Variants in NALF1 observed in about 807,000 individuals in gnomAD.
The protein encoded by NALF1 is family with sequence similarity 155 member A.
NALF1 carries 3 observed loss-of-function variants against 48.4 expected under a neutral mutation model. The ratio of observed to expected loss-of-function variants is 0.06; its 90% CI spans 0.03 to 0.16. The LOEUF is 0.16. Among genes scored for constraint, NALF1 ranks in the 10% least tolerant of loss-of-function variants. NALF1 has a pLI of 1.00. For missense variants in NALF1, 526 were observed against 571.5 expected, an observed-to-expected ratio of 0.92 and a Z score of 0.81; for synonymous variants, 262 against 245.7, an observed-to-expected ratio of 1.07 and a Z score of -0.62.
At chr13:107,776,934 T>C (rs1877750518) in intron 1 of NALF1, among the ~76,000 whole-genome samples, 1 of 151,908 alleles carries the variant, frequency 6.6e-6, no homozygotes, top group African/African-American at 2.4e-5. Flanking sequence ...GTACAAAAAA[T>C]CTAAAAACTT....
chr13:107,256,684 TG>T (rs2138849952), intron 1 of NALF1, among the ~76,000 whole-genome samples: 1 of 149,344 alleles, frequency 6.7e-6, no homozygotes, highest in African/African-American at 2.5e-5. Flanking sequence ...CAATAAAAGT[TG>T]GGACTACCCT....
intron 1 of NALF1, among the ~76,000 whole-genome samples, chr13:107,655,807 T>C (rs760450247): frequency 1.1e-4 from 16 of 151,964 alleles, no homozygotes; most frequent in Admixed American, 7.9e-4. Flanking sequence ...GTTATAAAAA[T>C]AGTCACATAT....
At chr13:107,449,481 A>G (rs1360232324) in intron 1 of NALF1, among the ~76,000 whole-genome samples, 1 of 152,238 alleles carries the variant, frequency 6.6e-6, no homozygotes, top group East Asian at 1.9e-4. Flanking sequence ...AGAGATTAAA[A>G]AGAATAAAAG....
chr13:107,444,498 TAA>T (rs146761768), intron 1 of NALF1, among the ~76,000 whole-genome samples: 4,464 of 152,228 alleles, frequency 0.029, 228 homozygotes, highest in African/African-American at 0.1. Flanking sequence ...ATTCTATAAA[TAA>T]GAGAGTTGGA....
At chr13:107,795,529 A>C (rs556769878) in intron 1 of NALF1, among the ~76,000 whole-genome samples, 91 of 152,178 alleles carry the variant, frequency 6.0e-4, no homozygotes, top group Admixed American at 1.0e-3. Context: ...CTGGAAGAAA[A>C]TCCTTTACGC....
At chr13:107,755,750 C>T (rs528252915) in intron 1 of NALF1, among the ~76,000 whole-genome samples, 5 of 152,130 alleles carry the variant, frequency 3.3e-5, no homozygotes, top group East Asian at 1.9e-4. Flanking sequence ...TACAATCTAC[C>T]GCAGACTTGG....
intron 1 of NALF1, among the ~76,000 whole-genome samples, chr13:107,253,000 AC>A (rs1486468375): frequency 6.6e-6 from 1 of 152,214 alleles, no homozygotes; most frequent in African/African-American, 2.4e-5. Flanking sequence ...CCAAAATAAC[AC>A]ATTTTCTTTT....
intron 1 of NALF1, among the ~76,000 whole-genome samples, chr13:107,254,505 C>A (rs1026892001): frequency 2.6e-5 from 4 of 152,156 alleles, no homozygotes; most frequent in African/African-American, 9.7e-5. Context: ...CCATAGTCCA[C>A]AAAGCACTCT....
intron 1 of NALF1, among the ~76,000 whole-genome samples, chr13:107,809,256 T>C (rs753740338): frequency 7.9e-5 from 12 of 152,060 alleles, no homozygotes; most frequent in Non-Finnish European, 1.5e-4. Context: ...TGTTTTTACC[T>C]AGACGTGGAC....
intron 1 of NALF1, among the ~76,000 whole-genome samples, chr13:107,697,389 T>G (rs896606227): frequency 2.6e-5 from 4 of 152,126 alleles, no homozygotes; most frequent in African/African-American, 9.7e-5. Context: ...ATTCCAAGGG[T>G]TAGAATTAGC....
intron 1 of NALF1, among the ~76,000 whole-genome samples, chr13:107,672,685 A>G (rs1881018690): frequency 1.3e-5 from 2 of 152,132 alleles, no homozygotes; most frequent in South Asian, 2.1e-4. Flanking sequence ...TCTCTTTACT[A>G]TAATCATCAC....
chr13:107,610,889 G>C (rs1327174754), intron 1 of NALF1, among the ~76,000 whole-genome samples: 1 of 152,170 alleles, frequency 6.6e-6, no homozygotes, highest in Admixed American at 6.5e-5. Flanking sequence ...GCTGACACTA[G>C]TGTTGAGAAT....
intron 1 of NALF1, among the ~76,000 whole-genome samples, chr13:107,512,527 T>C (rs1875926117): frequency 1.3e-5 from 2 of 152,072 alleles, no homozygotes; most frequent in Admixed American, 1.3e-4. Context: ...CAGGAAATAA[T>C]TCAAGGGCCA....
intron 2 of NALF1, among the ~76,000 whole-genome samples, chr13:107,190,289 C>T (rs984126312): frequency 6.6e-6 from 1 of 152,020 alleles, no homozygotes; most frequent in Admixed American, 6.6e-5. Context: ...GTACAAAGAC[C>T]ATTTCCTGCT....
intron 2 of NALF1, among the ~76,000 whole-genome samples, chr13:107,202,138 A>G (rs141292899): frequency 6.4e-4 from 97 of 152,184 alleles, no homozygotes; most frequent in African/African-American, 2.3e-3. Context: ...TTACACATTT[A>G]TTCCATCAGT....
intron 1 of NALF1, among the ~76,000 whole-genome samples, chr13:107,645,486 C>T (rs79498455): frequency 3.9e-5 from 6 of 152,114 alleles, no homozygotes; most frequent in Non-Finnish European, 5.9e-5. Flanking sequence ...CAGTTTAACT[C>T]ACCCAATTGT....
chr13:107,602,984 T>C (rs1382728979), intron 1 of NALF1, among the ~76,000 whole-genome samples: 1 of 152,234 alleles, frequency 6.6e-6, no homozygotes, highest in Non-Finnish European at 1.5e-5. Flanking sequence ...TTCGCAGCTC[T>C]CTTAACATAG....
chr13:107,438,118 T>C (rs1455267277), intron 1 of NALF1, among the ~76,000 whole-genome samples: 1 of 152,228 alleles, frequency 6.6e-6, no homozygotes, highest in African/African-American at 2.4e-5. Context: ...TTATAAACCT[T>C]GAAATGTACA....
At chr13:107,842,007 CTT>C (rs1880054917) in intron 1 of NALF1, among the ~76,000 whole-genome samples, 1 of 151,918 alleles carries the variant, frequency 6.6e-6, no homozygotes, top group African/African-American at 2.4e-5. Flanking sequence ...TTTAAGAACT[CTT>C]TTAAATTTAT....
Sources: allele counts gnomAD v4.1 joint callset (sites outside exome capture counted in the v4.1 genomes callset), GRCh38; gene constraint gnomAD v4.1.1; transcripts MANE v1.5; gene names NCBI Gene and HGNC (gene_info 2026-07-23, HGNC 2026-07-21).